MAGEC3: variants seen among roughly 807,000 people sequenced by gnomAD.
MAGEC3 encodes MAGE family member C3.
In MAGEC3, 34 loss-of-function variants were observed where a neutral mutation model predicts 35.3. That is an observed-to-expected ratio of 0.96 (90% CI 0.73 to 1.28). The LOEUF is 1.28. Among genes scored for constraint, MAGEC3 ranks in the 50% most tolerant of loss-of-function variants. MAGEC3 has a pLI of 0.00. For missense variants in MAGEC3, 561 were observed against 483.6 expected, an observed-to-expected ratio of 1.16 and a Z score of -1.50; for synonymous variants, 202 against 185.6, an observed-to-expected ratio of 1.09 and a Z score of -0.72.
intron 4 of MAGEC3, among the ~76,000 whole-genome samples, chrX:141,888,446 G>A (rs1017114532): frequency 5.3e-5 from 6 of 112,291 alleles, no homozygotes; most frequent in Non-Finnish European, 7.5e-5. Context: ...TCAGGGACTT[G>A]GAAGAAGCAT....
In MAGEC3 at chrX:141,897,061, G is replaced by A; in HGVS notation, c.1303G>A (p.Glu435Lys). The stretch of plus-strand genomic sequence containing the variant: ...CCGATTGGATGAGGAGTCCAGCAGT[G>A]AAGAGGAGGATACAGCTACTTGGCA... Reference protein sequence around the residue: ...WTRLDEESSSEEEDTATWHAL... With the variant: ...WTRLDEESSSKEEDTATWHAL... Residue 435 changes from glutamate (E) to lysine (K), a missense_variant, in exon 7 of 8, where the codon GAA (glutamate) becomes AAA (lysine). Transcript: ENST00000298296. 2.5e-6 allele frequency: 3 copies of A among 1,211,584 alleles called. No homozygotes were observed. The highest frequency in any genetic ancestry group is 1.8e-5 in the South Asian group (1 of 56,913).
At chrX:141,878,731 C>T (rs2124113622) in intron 2 of MAGEC3, among the ~76,000 whole-genome samples, 1 of 112,119 alleles carries the variant, frequency 8.9e-6, no homozygotes, top group Non-Finnish European at 1.9e-5. Context: ...GCCCTGTTTT[C>T]ACCCCTGGGA....
rs199884189 is a variant in MAGEC3 at position 141,897,534 on chromosome X, G to T, written c.1728+48G>T. On this transcript the variant is annotated intron_variant, in intron 7 of 7. Coordinates refer to ENST00000298296, the MANE Select transcript of MAGEC3 (RefSeq NM_138702.1). ...TTATATATGGGGATCCCAGAAAGCT[G>T]CTCACTATACATTGGGTGCAGAGAA... The T allele has an allele frequency of 6.9e-4, 827 of 1,195,030 alleles. 1 individual carries two copies. The highest frequency in any genetic ancestry group is 9.0e-4 in the Non-Finnish European group (795 of 887,781).
chrX:141,874,758 A>G (rs1450721782), intron 2 of MAGEC3, among the ~76,000 whole-genome samples: 1 of 110,479 alleles, frequency 9.1e-6, no homozygotes, highest in Non-Finnish European at 1.9e-5. Context: ...TTTGAAAAAA[A>G]AATACACTCA....
At chrX:141,871,858 A>G (rs2017889972) in intron 2 of MAGEC3, among the ~76,000 whole-genome samples, 2 of 107,782 alleles carry the variant, frequency 1.9e-5, no homozygotes, top group Non-Finnish European at 3.8e-5. Context: ...TAACAGGTGG[A>G]GAAGTAGGAG....
At chrX:141,864,812 G>T (rs776965649) in intron 1 of MAGEC3, among the ~76,000 whole-genome samples, 3 of 111,828 alleles carry the variant, frequency 2.7e-5, no homozygotes, top group South Asian at 3.7e-4. Flanking sequence ...GGAAATAAAA[G>T]AAATTTCCAG....
intron 2 of MAGEC3, among the ~76,000 whole-genome samples, chrX:141,867,755 G>C (rs1569473415): frequency 1.5e-5 from 1 of 64,921 alleles, no homozygotes; most frequent in Non-Finnish European, 3.5e-5. Context: ...AAATAGTAGA[G>C]TGAGTAAAGC....
intron 1 of MAGEC3, among the ~76,000 whole-genome samples, chrX:141,858,971 T>C (rs2017798348): frequency 9.0e-6 from 1 of 110,861 alleles, no homozygotes; most frequent in Non-Finnish European, 1.9e-5. Context: ...AGTCACCTTG[T>C]GTAACTCTAA....
intron 4 of MAGEC3, among the ~76,000 whole-genome samples, chrX:141,894,400 CAA>C (rs2018067685): frequency 9.0e-6 from 1 of 111,698 alleles, no homozygotes; most frequent in South Asian, 3.7e-4. Flanking sequence ...GCTGAAAAGA[CAA>C]TGGATTTTTC....
At chrX:141,854,483 T>C (rs987372378) in intron 1 of MAGEC3, among the ~76,000 whole-genome samples, 1 of 111,117 alleles carries the variant, frequency 9.0e-6, no homozygotes, top group African/African-American at 3.3e-5. Flanking sequence ...TAGGAGATAA[T>C]TGAATTGTGG....
chrX:141,897,602 G>T, intron 7 of MAGEC3, 27 bp from the exon 8 acceptor site: 3 of 1,201,102 alleles, frequency 2.5e-6, no homozygotes, highest in Non-Finnish European at 3.4e-6. Flanking sequence ...GCTCCTCCAC[G>T]TTATGAATTT....
chrX:141,887,824 G>A (rs1031692547), intron 4 of MAGEC3, among the ~76,000 whole-genome samples: 2 of 111,772 alleles, frequency 1.8e-5, no homozygotes, highest in African/African-American at 6.5e-5. Flanking sequence ...ACAGCAGGGG[G>A]CTCTAGGATT....
At chrX:141,838,715 G>C in intron 1 of MAGEC3, 2 of 754,141 alleles carry the variant, frequency 2.7e-6, no homozygotes, top group Non-Finnish European at 3.1e-6. Context: ...GTAGTTCATC[G>C]GGGGTGAGGC....
chrX:141,873,832 G>T (rs2017903202), intron 2 of MAGEC3, among the ~76,000 whole-genome samples: 1 of 111,740 alleles, frequency 8.9e-6, no homozygotes, highest in African/African-American at 3.3e-5. Flanking sequence ...CTAGCATGTT[G>T]TTTTGTGGAT....
intron 4 of MAGEC3, among the ~76,000 whole-genome samples, 158 bp from the exon 5 acceptor site, chrX:141,895,111 G>A (rs1302135012): frequency 1.2e-5 from 1 of 85,614 alleles, no homozygotes; most frequent in Non-Finnish European, 2.3e-5. Flanking sequence ...GGTGGGAGGG[G>A]GTAGGGAGGT....
At chrX:141,892,145 G>T (rs1161709405) in intron 4 of MAGEC3, among the ~76,000 whole-genome samples, 1 of 111,216 alleles carries the variant, frequency 9.0e-6, no homozygotes, top group Non-Finnish European at 1.9e-5. Flanking sequence ...AAAACTGTGA[G>T]ACAATATATT....
chrX:141,840,520 C>G (rs2017679640), intron 1 of MAGEC3, among the ~76,000 whole-genome samples: 1 of 111,265 alleles, frequency 9.0e-6, no homozygotes, highest in Non-Finnish European at 1.9e-5. Context: ...TTGTTCAGAC[C>G]TCTTTAAGAA....
chrX:141,880,924 C>T, intron 3 of MAGEC3: 2 of 712,369 alleles, frequency 2.8e-6, no homozygotes, highest in African/African-American at 2.1e-5. Context: ...CTGTTGGATG[C>T]CATCATCCAC....
chrX:141,895,458 G>T, intron 5 of MAGEC3, 27 bp from the exon 6 acceptor site: 1 of 1,210,669 alleles, frequency 8.3e-7, no homozygotes, highest in Non-Finnish European at 1.1e-6. Context: ...GACAGAAGAA[G>T]CCCCGGTCTG....
Sources: allele counts gnomAD v4.1 joint callset (sites outside exome capture counted in the v4.1 genomes callset), GRCh38; gene constraint gnomAD v4.1.1; transcripts MANE v1.5; gene names NCBI Gene and HGNC (gene_info 2026-07-23, HGNC 2026-07-21).